AUTS2: variants seen among roughly 807,000 people sequenced by gnomAD.
AUTS2 encodes activator of transcription and developmental regulator AUTS2, also known as autism susceptibility gene 2 protein.
Under a neutral mutation model 112.4 loss-of-function variants are expected in AUTS2, and 17 were observed. The ratio of observed to expected loss-of-function variants is 0.15; its 90% CI spans 0.10 to 0.23. The LOEUF (loss-of-function observed/expected upper bound fraction) is 0.23, where lower values mean the gene tolerates loss of function less well. Among genes scored for constraint, AUTS2 ranks in the 10% least tolerant of loss-of-function variants. The pLI, the probability that AUTS2 is intolerant of heterozygous loss-of-function variation, is 1.00. For missense variants in AUTS2, 1,510 were observed against 1,701.6 expected, an observed-to-expected ratio of 0.89 and a Z score of 1.98; for synonymous variants, 751 against 702.7, an observed-to-expected ratio of 1.07 and a Z score of -1.09.
intron 5 of AUTS2, among the ~76,000 whole-genome samples, chr7:70,571,159 A>G (rs1198290617): frequency 6.6e-6 from 1 of 152,246 alleles, no homozygotes; most frequent in East Asian, 1.9e-4. Context: ...GAGCTAGATG[A>G]GCAATAAAGA....
Position 70,485,379 on chromosome 7 carries a change from C to G in AUTS2, c.690+49598C>G, listed in dbSNP as rs192008462. Among the ~76,000 whole-genome samples the G allele has an allele frequency of 9.9e-4, 151 of 152,144 alleles. 1 individual carries two copies. The highest frequency in any genetic ancestry group is 1.1e-3 in the Admixed American group (17 of 15,290). The stretch of plus-strand genomic sequence containing the variant: ...GTGAAGTAATTCAAGAATGGAAAAC[C>G]AAATGCCGTATGTTCTTACCTATAA... On this transcript the variant is annotated intron_variant, in intron 5 of 18. Coordinates refer to ENST00000342771, the MANE Select transcript of AUTS2 (RefSeq NM_015570.4).
rs191926041 is a variant in AUTS2 at position 70,130,249 on chromosome 7, T to C, written c.625-4287T>C. On this transcript the variant is annotated intron_variant, in intron 3 of 18. Coordinates refer to ENST00000342771, the MANE Select transcript of AUTS2 (RefSeq NM_015570.4). ...GTGGAGTACACATGTGTCCTGTCTG[T>C]ACTCAGGGAGCTGTAACAGTAGCCA... Among the ~76,000 whole-genome samples, 3 of 152,344 alleles carry C rather than the reference T, an allele frequency of 2.0e-5. No homozygotes were observed. In the East Asian group the frequency reaches 5.8e-4, roughly 29 times the overall value.
intron 1 of AUTS2, among the ~76,000 whole-genome samples, chr7:69,711,544 A>G (rs182235685): frequency 2.3e-4 from 35 of 152,328 alleles, no homozygotes; most frequent in African/African-American, 7.9e-4. Flanking sequence ...TAACTGTGTC[A>G]TATATTAGTA....
At chr7:69,876,630 G>A (rs1404219295) in intron 1 of AUTS2, among the ~76,000 whole-genome samples, 3 of 147,856 alleles carry the variant, frequency 2.0e-5, no homozygotes, top group Non-Finnish European at 4.5e-5. Flanking sequence ...GTGTGAGACA[G>A]TCTTTTCCTC....
At chr7:69,746,492 A>G (rs1038013747) in intron 1 of AUTS2, among the ~76,000 whole-genome samples, 1 of 152,194 alleles carries the variant, frequency 6.6e-6, no homozygotes, top group Non-Finnish European at 1.5e-5. Context: ...GTCATCAGGA[A>G]AGACCTCTCT....
At chr7:70,377,355 TATATATATATATATATATAGTG>T (rs1793151158) in intron 4 of AUTS2, among the ~76,000 whole-genome samples, 2 of 116,304 alleles carry the variant, frequency 1.7e-5, no homozygotes, top group East Asian at 2.6e-4. Flanking sequence ...TATATATATA[TATATATATATATATATATAGTG>T]ATATATATAT....
chr7:70,737,329 G>A (rs534186122), intron 6 of AUTS2, among the ~76,000 whole-genome samples: 24 of 152,274 alleles, frequency 1.6e-4, no homozygotes, highest in South Asian at 4.2e-4. Flanking sequence ...GCCAAAGGGC[G>A]GGAACATTAG....
At chr7:69,658,008 A>G (rs539509457) in intron 1 of AUTS2, among the ~76,000 whole-genome samples, 48 of 152,254 alleles carry the variant, frequency 3.2e-4, no homozygotes, top group African/African-American at 9.2e-4. Context: ...AGCTAAGAAC[A>G]GTTTTTGCCT....
intron 5 of AUTS2, among the ~76,000 whole-genome samples, chr7:70,459,959 A>G (rs1243343528): frequency 6.6e-6 from 1 of 152,132 alleles, no homozygotes; most frequent in Non-Finnish European, 1.5e-5. Flanking sequence ...TAACAATTCT[A>G]CAGAAGGGTG....
chr7:70,605,141 C>A (rs912797788), intron 5 of AUTS2, among the ~76,000 whole-genome samples: 1 of 151,962 alleles, frequency 6.6e-6, no homozygotes, highest in Admixed American at 6.6e-5. Context: ...TTCAGTATAA[C>A]ATTTTCCATT....
chr7:69,754,841 C>T (rs1787883866), intron 1 of AUTS2, among the ~76,000 whole-genome samples: 2 of 152,154 alleles, frequency 1.3e-5, no homozygotes, highest in Non-Finnish European at 1.5e-5. Flanking sequence ...AATTTGTTTG[C>T]CATCCCTGGA....
chr7:70,190,223 T>C (rs1809810922), intron 4 of AUTS2, among the ~76,000 whole-genome samples: 1 of 152,234 alleles, frequency 6.6e-6, no homozygotes, highest in Admixed American at 6.5e-5. Flanking sequence ...CAGTAAGTGT[T>C]GCTTGGTATT....
chr7:70,283,885 G>T (rs1297443943), intron 4 of AUTS2, among the ~76,000 whole-genome samples: 3 of 152,062 alleles, frequency 2.0e-5, no homozygotes, highest in Non-Finnish European at 2.9e-5. Flanking sequence ...GAAGGAAGAG[G>T]TTCATCCTGT....
At chr7:70,177,808 C>T (rs998544408) in intron 4 of AUTS2, among the ~76,000 whole-genome samples, 5 of 93,206 alleles carry the variant, frequency 5.4e-5, no homozygotes, top group Non-Finnish European at 1.1e-4. Context: ...TCTGTCTGTT[C>T]TGCATTCTCA....
At chr7:70,423,726 T>C (rs546018912) in intron 4 of AUTS2, among the ~76,000 whole-genome samples, 3 of 152,288 alleles carry the variant, frequency 2.0e-5, no homozygotes, top group East Asian at 3.9e-4. Context: ...GAAATAAAAC[T>C]ATTAGTTACC....
At chr7:69,825,497 G>T (rs55977245) in intron 1 of AUTS2, among the ~76,000 whole-genome samples, 11,597 of 152,108 alleles carry the variant, frequency 0.076, 642 homozygotes, top group Non-Finnish European at 0.12. Context: ...TAACCTTGTT[G>T]TCTTCCATTG....
At chr7:70,014,582 C>T (rs1324400195) in intron 2 of AUTS2, among the ~76,000 whole-genome samples, 1 of 151,988 alleles carries the variant, frequency 6.6e-6, no homozygotes, top group African/African-American at 2.4e-5. Flanking sequence ...TTTTTTTGCT[C>T]TTGCTCTCTG....
At chr7:69,814,542 G>A (rs1584284306) in intron 1 of AUTS2, among the ~76,000 whole-genome samples, 2 of 152,342 alleles carry the variant, frequency 1.3e-5, no homozygotes, top group African/African-American at 4.8e-5. Context: ...CCACCCGGGC[G>A]AGGGCCTCTG....
In AUTS2 at chr7:70,435,788, C is replaced by G; in HGVS notation, c.690+7C>G. The G allele has an allele frequency of 6.2e-7, 1 of 1,611,854 alleles. No individual in the cohort carries two copies. On this transcript the variant is annotated splice_region_variant and intron_variant, in intron 5 of 18. Coordinates refer to ENST00000342771, the MANE Select transcript of AUTS2 (RefSeq NM_015570.4). ...CAGTGACCAGGAAGAGAAGGTAAGA[C>G]CCCCCCTCCCCCATTGTGGGCACAG...
Sources: allele counts gnomAD v4.1 joint callset (sites outside exome capture counted in the v4.1 genomes callset), GRCh38; gene constraint gnomAD v4.1.1; transcripts MANE v1.5; gene names NCBI Gene and HGNC (gene_info 2026-07-23, HGNC 2026-07-21).